The following PLCB1 variants were observed in gnomAD, a reference collection of about 807,000 sequenced individuals.
PLCB1 encodes 1-phosphatidylinositol 4,5-bisphosphate phosphodiesterase beta-1.
Under a neutral mutation model 161.8 loss-of-function variants are expected in PLCB1, and 46 were observed. The observed-to-expected ratio is 0.28, with a 90% CI of 0.22 to 0.36. PLCB1 has a LOEUF of 0.36. PLCB1 is among the 10% of genes least tolerant of loss of function. The pLI is 1.00. For missense variants in PLCB1, 1,016 were observed against 1,472.5 expected (o/e 0.69, Z 5.07); for synonymous variants, 517 against 503.7 (o/e 1.03, Z -0.35).
chr20:8,337,349 T>C (rs1394919611), intron 2 of PLCB1, among the ~76,000 whole-genome samples: 1 of 152,232 alleles, frequency 6.6e-6, no homozygotes, highest in Non-Finnish European at 1.5e-5. Context: ...GTTGAGGATC[T>C]CACTGTTATA....
At chr20:8,839,832 A>T (rs1443675785) in intron 31 of PLCB1, among the ~76,000 whole-genome samples, 1 of 151,672 alleles carries the variant, frequency 6.6e-6, no homozygotes, top group Non-Finnish European at 1.5e-5. Flanking sequence ...GGAGTTTGAG[A>T]CCAGGCTGGC....
intron 2 of PLCB1, chr20:8,305,884 G>T (rs1461855098): frequency 6.6e-6 from 1 of 152,222 alleles, no homozygotes; most frequent in Admixed American, 6.5e-5. Flanking sequence ...TTATAGAGAT[G>T]CACATGAGAA....
intron 2 of PLCB1, among the ~76,000 whole-genome samples, chr20:8,309,902 G>A (rs1984316802): frequency 6.6e-6 from 1 of 152,118 alleles, no homozygotes; most frequent in Admixed American, 6.5e-5. Context: ...AAGCACCCAG[G>A]GAATTTTTCT....
In PLCB1 at chr20:8,760,412, G is replaced by A. The variant is rs1456208837; in HGVS notation, c.2662G>A (p.Val888Ile). Residue 888 changes from valine to isoleucine, a missense_variant, in exon 25 of 32, where the codon GTA becomes ATA. Physicochemically the swap from Val to Ile is conservative, Grantham distance 29. This residue lies in a region of PLCB1 where 398 missense variants were observed against 445.4 expected (regional missense o/e 0.89). Transcript: ENST00000338037. ...ALHSQPAPGS[V>I]KAPAKTEDLI... ...TTTTATCTTTTATATTACAGGTTCT[G>A]TAAAGGCACCTGCCAAAACAGAAGA... is the stretch of plus-strand genomic sequence containing the variant. 6 of 1,603,580 alleles carry A rather than the reference G, an allele frequency of 3.7e-6. No individual in the cohort carries two copies. The highest frequency in any genetic ancestry group is 5.1e-6 in the Non-Finnish European group (6 of 1,170,960).
chr20:8,799,125 T>G (rs1343391436), intron 31 of PLCB1, among the ~76,000 whole-genome samples: 1 of 152,162 alleles, frequency 6.6e-6, no homozygotes, highest in Non-Finnish European at 1.5e-5. Flanking sequence ...CCCCTTTTCT[T>G]TACCATATCA....
chr20:8,245,118 C>A (rs1317640549), intron 2 of PLCB1, among the ~76,000 whole-genome samples: 1 of 151,674 alleles, frequency 6.6e-6, no homozygotes, highest in East Asian at 1.9e-4. Context: ...TAAATATATA[C>A]CCACTCTTGT....
intron 3 of PLCB1, among the ~76,000 whole-genome samples, chr20:8,544,173 A>G (rs1331258825): frequency 2.6e-5 from 4 of 152,100 alleles, no homozygotes; most frequent in African/African-American, 7.2e-5. Flanking sequence ...TCTAAAGTAA[A>G]AGTTGAAAAT....
chr20:8,430,869 GCT>G (rs905185280), intron 3 of PLCB1, among the ~76,000 whole-genome samples: 1 of 151,966 alleles, frequency 6.6e-6, no homozygotes, highest in African/African-American at 2.4e-5. Flanking sequence ...GAGGCAGGAG[GCT>G]CTCTTGAGCC....
chr20:8,498,045 A>C (rs953545628), intron 3 of PLCB1, among the ~76,000 whole-genome samples: 5 of 152,222 alleles, frequency 3.3e-5, no homozygotes, highest in Non-Finnish European at 4.4e-5. Context: ...ACCAATAATA[A>C]AAGTGTATTC....
intron 3 of PLCB1, among the ~76,000 whole-genome samples, chr20:8,615,249 G>A (rs1050239480): frequency 3.3e-5 from 5 of 152,076 alleles, no homozygotes; most frequent in Non-Finnish European, 5.9e-5. Context: ...TGCCTTGAAT[G>A]TACTAAAATA....
chr20:8,806,265 G>A lies in PLCB1; in HGVS notation c.3423+16004G>A, dbSNP rs186545165. On this transcript the variant is annotated intron_variant, in intron 31 of 31. Coordinates refer to ENST00000338037, the MANE Select transcript of PLCB1 (RefSeq NM_015192.4). ...TGGGCAGCTGTTTTCCGTGTTCATC[G>A]CATCTGCTGGGGAAGCAATGCCAAG... Among the ~76,000 whole-genome samples the A allele has an allele frequency of 2.2e-3, 337 of 152,064 alleles. 2 individuals are homozygous for A. The highest frequency in any genetic ancestry group is 0.019 in the Admixed American group (291 of 15,282).
At chr20:8,495,752 C>A (rs1023632846) in intron 3 of PLCB1, among the ~76,000 whole-genome samples, 1 of 152,048 alleles carries the variant, frequency 6.6e-6, no homozygotes, top group African/African-American at 2.4e-5. Flanking sequence ...GCCTCAATAC[C>A]CAACGTTTTT....
chr20:8,649,335 C>T (rs371306543), intron 6 of PLCB1, 39 bp from the exon 7 acceptor site: 3 of 1,371,396 alleles, frequency 2.2e-6, no homozygotes, highest in Non-Finnish European at 3.1e-6. Flanking sequence ...GATCCATGTG[C>T]CATTTAAACC....
intron 2 of PLCB1, among the ~76,000 whole-genome samples, chr20:8,356,418 A>G (rs1986363988): frequency 6.6e-6 from 1 of 152,186 alleles, no homozygotes; most frequent in African/African-American, 2.4e-5. Flanking sequence ...CTAGCGAGTA[A>G]CCAGATGATG....
intron 31 of PLCB1, among the ~76,000 whole-genome samples, chr20:8,851,907 T>C (rs6039304): frequency 1.8e-4 from 28 of 151,566 alleles, no homozygotes; most frequent in East Asian, 1.8e-3. Context: ...AAGCACCACA[T>C]GTAACAGGCA....
chr20:8,457,722 A>G (rs550204778), intron 3 of PLCB1, among the ~76,000 whole-genome samples: 40,465 of 148,284 alleles, frequency 0.27, 5,611 homozygotes, highest in Non-Finnish European at 0.3. Flanking sequence ...GCGCACACAC[A>G]CACACACACA....
At chr20:8,636,307 A>G (rs1461190870) in intron 4 of PLCB1, among the ~76,000 whole-genome samples, 4 of 152,100 alleles carry the variant, frequency 2.6e-5, no homozygotes, top group Non-Finnish European at 4.4e-5. Context: ...ATCTTAGGCT[A>G]TTCTTCCACC....
chr20:8,870,340 T>G (rs933869981), intron 31 of PLCB1, among the ~76,000 whole-genome samples: 2 of 152,178 alleles, frequency 1.3e-5, no homozygotes, highest in South Asian at 2.1e-4. Context: ...TCATGAAGGG[T>G]TTGACTATGT....
At chr20:8,632,045 T>TG (rs1393286912) in intron 4 of PLCB1, among the ~76,000 whole-genome samples, 918 of 69,350 alleles carry the variant, frequency 0.013, 12 homozygotes, top group African/African-American at 0.039. Context: ...CTTTTTTTTT[T>TG]TTTTTTTTTT....
Sources: allele counts gnomAD v4.1 joint callset (sites outside exome capture counted in the v4.1 genomes callset), GRCh38; gene constraint gnomAD v4.1.1; regional missense constraint gnomAD v4.1.1; transcripts MANE v1.5; gene names NCBI Gene and HGNC (gene_info 2026-07-23, HGNC 2026-07-21).